RYR2: variants seen among roughly 807,000 people sequenced by gnomAD.
RYR2 encodes the protein cardiac muscle ryanodine receptor-calcium release channel.
RYR2 carries 227 observed loss-of-function variants against 601.1 expected under a neutral mutation model. That is an observed-to-expected ratio of 0.38 (90% CI 0.34 to 0.42). The LOEUF is 0.42. RYR2 is among the 10% of genes least tolerant of loss of function. The pLI, the probability that RYR2 is intolerant of heterozygous loss-of-function variation, is 1.00. For missense variants in RYR2, 4,646 were observed against 6,156.5 expected (o/e 0.75, Z 8.21); for synonymous variants, 2,223 against 2,175.1 (o/e 1.02, Z -0.61).
At chr1:237,365,469 GA>G (rs1700110837) in intron 5 of RYR2, among the ~76,000 whole-genome samples, 1 of 152,166 alleles carries the variant, frequency 6.6e-6, no homozygotes, top group African/African-American at 2.4e-5. Flanking sequence ...TATCAACCAG[GA>G]CGTGGAACAT....
chr1:237,459,357 G>T (rs1374402238), intron 16 of RYR2, among the ~76,000 whole-genome samples: 1 of 152,176 alleles, frequency 6.6e-6, no homozygotes, highest in South Asian at 2.1e-4. Context: ...GGCTGAACTG[G>T]TAGGATTGCT....
At chr1:237,788,257 A>G (rs570192686) in intron 92 of RYR2, 122 bp downstream of exon 92, 5 of 697,322 alleles carry the variant, frequency 7.2e-6, no homozygotes, top group South Asian at 2.3e-5. Context: ...AGTCCAGCAC[A>G]TGTTTGATTT....
chr1:237,408,691 A>C (rs1704150563), intron 10 of RYR2, among the ~76,000 whole-genome samples: 2 of 152,232 alleles, frequency 1.3e-5, no homozygotes, highest in African/African-American at 4.8e-5. Context: ...AAACTTTAGA[A>C]TCAGTTTGTT....
chr1:237,674,302 T>A, intron 59 of RYR2, 83 bp downstream of exon 59: 2 of 1,082,636 alleles, frequency 1.8e-6, no homozygotes, highest in Non-Finnish European at 2.7e-6. Flanking sequence ...AAGCTGAAAA[T>A]GAATTCAATG....
chr1:237,096,832 C>A (rs929946791), intron 1 of RYR2, among the ~76,000 whole-genome samples: 1 of 152,114 alleles, frequency 6.6e-6, no homozygotes, highest in African/African-American at 2.4e-5. Context: ...CATCTCATGC[C>A]CCCTATAAAT....
chr1:237,797,763 T>C (rs796191255), intron 96 of RYR2, among the ~76,000 whole-genome samples: 4 of 152,368 alleles, frequency 2.6e-5, no homozygotes, highest in African/African-American at 9.6e-5. Flanking sequence ...CCATTTCTTA[T>C]GCTTTTATTT....
chr1:237,702,765 C>T (rs902737447), intron 66 of RYR2, among the ~76,000 whole-genome samples: 2 of 151,878 alleles, frequency 1.3e-5, no homozygotes, highest in East Asian at 1.9e-4. Flanking sequence ...GACTAGCCAA[C>T]GGAATTTGCA....
chr1:237,146,621 A>AT (rs562641754), intron 1 of RYR2, among the ~76,000 whole-genome samples: 4 of 151,990 alleles, frequency 2.6e-5, no homozygotes, highest in African/African-American at 9.7e-5. Context: ...TTAAAAATGC[A>AT]TTTTTTCACC....
intron 83 of RYR2, 61 bp from the exon 84 acceptor site, chr1:237,760,894 C>T: frequency 3.7e-6 from 4 of 1,087,636 alleles, no homozygotes; most frequent in Non-Finnish European, 5.5e-6. Context: ...TGTTTGCTCT[C>T]CTGAGCAAAG....
In RYR2 at chr1:237,718,496, G is replaced by A. The variant is rs375947003; in HGVS notation, c.10529G>A (p.Arg3510His). 2.9e-5 allele frequency: 47 copies of A among 1,595,658 alleles called. No individual in the cohort carries two copies. Among genetic ancestry groups the A allele is most frequent in the South Asian group, 4.4e-5 (4 of 90,172 alleles). The change falls in exon 73 of 105, where the codon CGC becomes CAC. Residue 3510 changes from arginine to histidine, a missense_variant. Physicochemically the swap from Arg to His is conservative, Grantham distance 29. This residue lies in a region of RYR2 where 1,497 missense variants were observed against 1,842.6 expected (regional missense o/e 0.81). Transcript: ENST00000366574. ...DTEDEVRDII[R>H]SNIHLQGKLE... The stretch of plus-strand genomic sequence containing the variant: ...GAGGATGAAGTACGAGATATAATCC[G>A]CAGCAATATTCATTTACAAGGCAAG...
intron 48 of RYR2, among the ~76,000 whole-genome samples, chr1:237,644,960 G>T (rs1028200154): frequency 3.9e-5 from 6 of 152,066 alleles, no homozygotes; most frequent in African/African-American, 1.2e-4. Flanking sequence ...TGAACCCGGG[G>T]CAGTGGGGAG....
At chr1:237,561,528 G>A (rs918187285) in intron 27 of RYR2, among the ~76,000 whole-genome samples, 6 of 152,150 alleles carry the variant, frequency 3.9e-5, no homozygotes, top group Non-Finnish European at 7.4e-5. Flanking sequence ...AAAGGCCATC[G>A]CTACTAGAAA....
chr1:237,071,123 G>A (rs1404279028), intron 1 of RYR2, among the ~76,000 whole-genome samples: 3 of 152,222 alleles, frequency 2.0e-5, no homozygotes, highest in African/African-American at 7.2e-5. Flanking sequence ...GAGCTTCATT[G>A]AGTAAAAGAA....
chr1:237,786,350 G>A (rs547229738), intron 91 of RYR2, among the ~76,000 whole-genome samples: 118 of 152,302 alleles, frequency 7.7e-4, no homozygotes, highest in African/African-American at 2.8e-3. Flanking sequence ...AGGACTCAGG[G>A]CCACAATTCT....
At position 237,326,609 on chromosome 1, in the gene RYR2, C is replaced by T. The variant is rs150298984; in HGVS notation, c.169-4269C>T. 6.5e-3 allele frequency among the ~76,000 whole-genome samples: 992 copies of T among 152,186 alleles called. 10 individuals carry two copies. The highest frequency in any genetic ancestry group is 0.022 in the African/African-American group (931 of 41,516). On this transcript the variant is annotated intron_variant, in intron 2 of 104. Coordinates refer to ENST00000366574, the MANE Select transcript of RYR2 (RefSeq NM_001035.3). Reference sequence around the variant, plus strand: ...ATTTCGAAGCACTTATAATGCAGAGCGTACTATATGAAAGTTCTCATGATT... The same window carrying T: ...ATTTCGAAGCACTTATAATGCAGAGTGTACTATATGAAAGTTCTCATGATT...
In RYR2 at chr1:237,254,002, A is replaced by G. The variant is rs74650890; in HGVS notation, c.49-16495A>G. Among the ~76,000 whole-genome samples the G allele has an allele frequency of 1.2e-3, 187 of 152,332 alleles. 1 individual carries two copies. In the East Asian group the frequency reaches 0.028, roughly 23 times the overall value. ...CAAAAGCACATCTATGAACTGATAG[A>G]TAAATGTTATGTCCATACACACAGA... On this transcript the variant is annotated intron_variant, in intron 1 of 104. Coordinates refer to ENST00000366574, the MANE Select transcript of RYR2 (RefSeq NM_001035.3).
intron 16 of RYR2, among the ~76,000 whole-genome samples, chr1:237,463,531 T>C (rs1220660293): frequency 1.3e-5 from 2 of 152,198 alleles, no homozygotes; most frequent in South Asian, 2.1e-4. Context: ...GTATCTAGAA[T>C]GATTAAATTC....
intron 19 of RYR2, among the ~76,000 whole-genome samples, chr1:237,494,048 G>A (rs949903810): frequency 2.6e-5 from 4 of 152,088 alleles, no homozygotes; most frequent in East Asian, 3.9e-4. Context: ...TATAACCACC[G>A]CGCCACACTG....
intron 100 of RYR2, among the ~76,000 whole-genome samples, chr1:237,812,312 CT>C (rs1267599110): frequency 1.3e-5 from 2 of 152,134 alleles, no homozygotes; most frequent in Non-Finnish European, 2.9e-5. Context: ...AAGGATAAGG[CT>C]TGAGTAAGTA....
Sources: allele counts gnomAD v4.1 joint callset (sites outside exome capture counted in the v4.1 genomes callset), GRCh38; gene constraint gnomAD v4.1.1; regional missense constraint gnomAD v4.1.1; transcripts MANE v1.5; gene names NCBI Gene and HGNC (gene_info 2026-07-23, HGNC 2026-07-21).